PRKD1: variants seen among roughly 807,000 people sequenced by gnomAD.
PRKD1 encodes the protein protein kinase D1, also known as serine/threonine-protein kinase D1.
PRKD1 carries 63 observed loss-of-function variants against 95.9 expected under a neutral mutation model. That is an observed-to-expected ratio of 0.66 (90% confidence interval 0.54 to 0.81). The LOEUF (loss-of-function observed/expected upper bound fraction) is 0.81, where lower values mean the gene tolerates loss of function less well. Ranked by LOEUF, PRKD1 falls within the 30% of genes least tolerant of loss-of-function variation. The probability of loss-of-function intolerance (pLI) is 0.00; values close to 1 mark genes in which losing one functional copy is unlikely to be tolerated. For missense variants in PRKD1, 1,048 were observed against 1,165.3 expected (o/e 0.90, Z 1.47); for synonymous variants, 425 against 423.1 (o/e 1.00, Z -0.05).
At chr14:29,612,672 TTATAA>T (rs1465389286) in intron 13 of PRKD1, among the ~76,000 whole-genome samples, 5 of 152,220 alleles carry the variant, frequency 3.3e-5, no homozygotes, top group South Asian at 2.1e-4. Context: ...TTTCTTTTTC[TTATAA>T]TAGATAGTTG....
intron 4 of PRKD1, among the ~76,000 whole-genome samples, chr14:29,660,234 G>A (rs562367010): frequency 5.9e-5 from 9 of 152,208 alleles, no homozygotes; most frequent in Non-Finnish European, 8.8e-5. Context: ...CATAGTTTCC[G>A]GACTCTATTT....
intron 1 of PRKD1, among the ~76,000 whole-genome samples, chr14:29,892,489 T>C (rs1893973434): frequency 6.6e-6 from 1 of 152,078 alleles, no homozygotes; most frequent in Non-Finnish European, 1.5e-5. Flanking sequence ...GAAGTTTGTT[T>C]TGCAGTTTCC....
intron 2 of PRKD1, among the ~76,000 whole-genome samples, chr14:29,708,836 C>G (rs1885207777): frequency 6.6e-6 from 1 of 152,128 alleles, no homozygotes; most frequent in South Asian, 2.1e-4. Flanking sequence ...GCACTCCAAC[C>G]TGGGTGACAG....
chr14:29,808,772 T>C (rs1890357131), intron 1 of PRKD1, among the ~76,000 whole-genome samples: 1 of 152,116 alleles, frequency 6.6e-6, no homozygotes, highest in Non-Finnish European at 1.5e-5. Flanking sequence ...CCTGAACCCA[T>C]CAAAGTCATC....
At chr14:29,835,772 C>T (rs192181037) in intron 1 of PRKD1, among the ~76,000 whole-genome samples, 2 of 151,816 alleles carry the variant, frequency 1.3e-5, no homozygotes, top group East Asian at 1.9e-4. Flanking sequence ...GGTTTCACCA[C>T]GTTGGTCAAG....
intron 2 of PRKD1, among the ~76,000 whole-genome samples, chr14:29,669,319 A>C (rs1379377573): frequency 6.6e-6 from 1 of 152,224 alleles, no homozygotes; most frequent in Non-Finnish European, 1.5e-5. Flanking sequence ...AGTGGTAATG[A>C]TGCATAGGTG....
intron 1 of PRKD1, among the ~76,000 whole-genome samples, chr14:29,853,727 A>G (rs1371489158): frequency 6.6e-6 from 1 of 152,170 alleles, no homozygotes; most frequent in African/African-American, 2.4e-5. Context: ...CCCCACCCAA[A>G]TCTCATCTTG....
At chr14:29,845,250 G>T (rs1286396492) in intron 1 of PRKD1, among the ~76,000 whole-genome samples, 1 of 152,094 alleles carries the variant, frequency 6.6e-6, no homozygotes, top group Admixed American at 6.6e-5. Context: ...TAAAGAAAAT[G>T]CTTAAAGTTA....
At chr14:29,871,687 C>A (rs1893113878) in intron 1 of PRKD1, among the ~76,000 whole-genome samples, 1 of 152,188 alleles carries the variant, frequency 6.6e-6, no homozygotes, top group African/African-American at 2.4e-5. Context: ...CTTATCATCA[C>A]CATCTACTTG....
In PRKD1 at chr14:29,678,535, T is replaced by C. The variant is rs1238899138; in HGVS notation, c.404-12327A>G. The stretch of plus-strand genomic sequence containing the variant: ...GACAGAAACTTCACCTAAGATTTCC[T>C]GAAACAATGCTCTTTGGGTGGGAGG... On this transcript the variant is annotated intron_variant, in intron 2 of 17. Coordinates refer to ENST00000331968, the MANE Select transcript of PRKD1 (RefSeq NM_002742.3). Among the ~76,000 whole-genome samples the C allele has an allele frequency of 2.6e-5, 4 of 152,150 alleles. No individual in the cohort carries two copies. In the East Asian group the frequency reaches 7.7e-4, roughly 29 times the overall value.
intron 1 of PRKD1, among the ~76,000 whole-genome samples, chr14:29,906,832 C>T (rs1894512368): frequency 6.6e-6 from 1 of 152,188 alleles, no homozygotes; most frequent in Non-Finnish European, 1.5e-5. Flanking sequence ...TTCCAGCTAA[C>T]ATGGGGTGAT....
At chr14:29,589,826 TAAAG>T (rs1036201751) in intron 16 of PRKD1, among the ~76,000 whole-genome samples, 2 of 152,186 alleles carry the variant, frequency 1.3e-5, no homozygotes, top group East Asian at 1.9e-4. Flanking sequence ...CAAAAATAAA[TAAAG>T]AAATAAATAA....
chr14:29,888,355 A>G (rs765096850), intron 1 of PRKD1, among the ~76,000 whole-genome samples: 26 of 152,104 alleles, frequency 1.7e-4, no homozygotes, highest in Non-Finnish European at 3.2e-4. Context: ...GAGAAAATAA[A>G]GAAAAACAAA....
intron 1 of PRKD1, among the ~76,000 whole-genome samples, chr14:29,884,758 G>T (rs1372817766): frequency 6.6e-6 from 1 of 152,234 alleles, no homozygotes; most frequent in Non-Finnish European, 1.5e-5. Context: ...TGAGGATGCA[G>T]AGTGGAGCAA....
intron 13 of PRKD1, among the ~76,000 whole-genome samples, chr14:29,610,315 A>G (rs1372197322): frequency 6.6e-6 from 1 of 152,200 alleles, no homozygotes; most frequent in Non-Finnish European, 1.5e-5. Context: ...CTACTAAAAC[A>G]CAACAAGAAA....
intron 2 of PRKD1, among the ~76,000 whole-genome samples, chr14:29,681,402 G>T (rs377042872): frequency 8.6e-4 from 131 of 151,950 alleles, no homozygotes; most frequent in African/African-American, 3.0e-3. Context: ...AAAAATAGGA[G>T]AAGTTAGATT....
chr14:29,602,771 T>G (rs1893568826), intron 13 of PRKD1, among the ~76,000 whole-genome samples: 1 of 152,138 alleles, frequency 6.6e-6, no homozygotes, highest in Non-Finnish European at 1.5e-5. Flanking sequence ...TCACTCAATT[T>G]ATTCCTTTTT....
chr14:29,790,491 T>C (rs1889495847), intron 1 of PRKD1, among the ~76,000 whole-genome samples: 2 of 152,144 alleles, frequency 1.3e-5, no homozygotes, highest in African/African-American at 4.8e-5. Flanking sequence ...ATTGACTGAG[T>C]TTAACAATCC....
intron 16 of PRKD1, 47 bp downstream of exon 16, chr14:29,597,444 A>T (rs1566475177): frequency 6.9e-7 from 1 of 1,458,912 alleles, no homozygotes. Context: ...TAATAACATA[A>T]ACAAATAAGG....
Sources: allele counts gnomAD v4.1 joint callset (sites outside exome capture counted in the v4.1 genomes callset), GRCh38; gene constraint gnomAD v4.1.1; transcripts MANE v1.5; gene names NCBI Gene and HGNC (gene_info 2026-07-23, HGNC 2026-07-21).